SETD3: variants seen among roughly 807,000 people sequenced by gnomAD.
The protein encoded by SETD3 is actin-histidine N-methyltransferase.
SETD3 carries 19 observed loss-of-function variants against 63.0 expected under a neutral mutation model. That is an observed-to-expected ratio of 0.30 (90% CI 0.21 to 0.44). The LOEUF is 0.44. Among genes scored for constraint, SETD3 ranks in the 20% least tolerant of loss-of-function variants. The probability of loss-of-function intolerance (pLI) is 1.00; values close to 1 mark genes in which losing one functional copy is unlikely to be tolerated. For synonymous variants in SETD3, 286 were observed against 264.1 expected (o/e 1.08, Z -0.80); for missense variants, 587 against 728.5 (o/e 0.81, Z 2.24).
At chr14:99,410,677 A>G (rs1256475536) in intron 8 of SETD3, among the ~76,000 whole-genome samples, 5 of 152,140 alleles carry the variant, frequency 3.3e-5, no homozygotes, top group Non-Finnish European at 7.3e-5. Flanking sequence ...TCCTACATTT[A>G]TTTCTCTGAG....
Position 99,458,552 on chromosome 14 carries a change from G to T in SETD3, c.419-17C>A. 6.2e-7 allele frequency: 1 copy of T among 1,604,096 alleles called. No individual in the cohort carries two copies. Among genetic ancestry groups the T allele is most frequent in the South Asian group, 1.1e-5 (1 of 89,680 alleles). On this transcript the variant is annotated splice_polypyrimidine_tract_variant and intron_variant, in intron 5 of 12. Coordinates refer to ENST00000331768, the MANE Select transcript of SETD3 (RefSeq NM_032233.3). ...ATAAGGGCCCTGAATTAACCCAGAA[G>T]TTAACAGCGTAAGTTCCACAAACTT...
At chr14:99,412,857 G>A (rs1354653042) in intron 8 of SETD3, 94 bp downstream of exon 8, 5 of 860,462 alleles carry the variant, frequency 5.8e-6, no homozygotes, top group East Asian at 4.9e-5. Flanking sequence ...GCAACGGGGG[G>A]AGTACGATGG....
chr14:99,402,407 T>C (rs1431168865), intron 11 of SETD3, among the ~76,000 whole-genome samples: 1 of 152,152 alleles, frequency 6.6e-6, no homozygotes, highest in African/African-American at 2.4e-5. Flanking sequence ...CCTCTTTGGG[T>C]TTTTTGTTAG....
chr14:99,407,582 C>G (rs753033345), intron 8 of SETD3, among the ~76,000 whole-genome samples: 1 of 152,194 alleles, frequency 6.6e-6, no homozygotes, highest in Non-Finnish European at 1.5e-5. Context: ...ACCCCAAGTT[C>G]CTGAGCACGG....
chr14:99,412,468 C>G, intron 8 of SETD3: 1 of 153,186 alleles, frequency 6.5e-6, no homozygotes, highest in East Asian at 1.9e-4. Context: ...ATTCGTCAGC[C>G]CATCAGGGGA....
chr14:99,413,788 C>G, intron 7 of SETD3, 88 bp downstream of exon 7: 1 of 1,258,536 alleles, frequency 7.9e-7, no homozygotes, highest in Non-Finnish European at 1.2e-6. Context: ...CAGGTCACTT[C>G]TCACTGAAGC....
At chr14:99,434,846 TCAAA>T (rs1441435007) in intron 6 of SETD3, among the ~76,000 whole-genome samples, 2 of 18,900 alleles carry the variant, frequency 1.1e-4, no homozygotes, top group African/African-American at 6.0e-4. Context: ...AAACTCTGCC[TCAAA>T]AAAAAAAAAA....
chr14:99,440,318 C>T (rs1453812124), intron 6 of SETD3, among the ~76,000 whole-genome samples: 4 of 152,162 alleles, frequency 2.6e-5, no homozygotes, highest in African/African-American at 4.8e-5. Context: ...ACCATTAACA[C>T]GTGACCAAGC....
intron 11 of SETD3, among the ~76,000 whole-genome samples, chr14:99,402,299 T>C (rs1002844059): frequency 2.0e-5 from 3 of 152,232 alleles, no homozygotes; most frequent in Non-Finnish European, 2.9e-5. Context: ...GCAGGAGCAA[T>C]GTGGGATGTC....
At chr14:99,403,470 CTCTCTCTCTCTCTCTCTCTT>C (rs943898913) in intron 11 of SETD3, among the ~76,000 whole-genome samples, 39 of 142,012 alleles carry the variant, frequency 2.7e-4, no homozygotes, top group African/African-American at 1.2e-3. Flanking sequence ...CTCTCTCTCT[CTCTCTCTCTCTCTCTCTCTT>C]TCTCTCTCTT....
intron 6 of SETD3, among the ~76,000 whole-genome samples, chr14:99,454,892 CCT>C (rs1894670564): frequency 6.6e-6 from 1 of 152,224 alleles, no homozygotes; most frequent in East Asian, 1.9e-4. Flanking sequence ...GAAACTGACT[CCT>C]AACAACCACA....
At chr14:99,406,418 T>C (rs1891683607) in intron 9 of SETD3, 98 bp downstream of exon 9, 4 of 1,097,272 alleles carry the variant, frequency 3.6e-6, no homozygotes, top group Non-Finnish European at 5.5e-6. Flanking sequence ...TTCCACATTT[T>C]TTCCCCTAAG....
intron 6 of SETD3, among the ~76,000 whole-genome samples, chr14:99,437,962 T>C (rs1893583538): frequency 6.6e-6 from 1 of 152,230 alleles, no homozygotes; most frequent in African/African-American, 2.4e-5. Flanking sequence ...CTCCTTCTGG[T>C]TCCAGAAACC....
At chr14:99,413,292 A>C in intron 7 of SETD3, 2 of 489,514 alleles carry the variant, frequency 4.1e-6, no homozygotes, top group Non-Finnish European at 7.3e-6. Flanking sequence ...GTTCCCAAGA[A>C]GCAGAGCCAG....
At chr14:99,480,459 G>A (rs1193126058) in intron 1 of SETD3, among the ~76,000 whole-genome samples, 1 of 151,382 alleles carries the variant, frequency 6.6e-6, no homozygotes. Flanking sequence ...AGCGGCGAGC[G>A]CGCGCCTCTC....
At chr14:99,470,357 C>A (rs4900432) in intron 1 of SETD3, among the ~76,000 whole-genome samples, 140,317 of 152,196 alleles carry the variant, frequency 0.92, 65,790 homozygotes, top group East Asian at 1. Flanking sequence ...CTTTTGGCAA[C>A]CTCTTTGGGC....
intron 8 of SETD3, chr14:99,409,976 G>A (rs955912521): frequency 4.8e-6 from 2 of 418,264 alleles, no homozygotes; most frequent in Non-Finnish European, 8.6e-6. Flanking sequence ...ATTCTAATGG[G>A]AGGCGGGGGG....
At chr14:99,477,685 T>C (rs984484005) in intron 1 of SETD3, among the ~76,000 whole-genome samples, 42 of 149,908 alleles carry the variant, frequency 2.8e-4, no homozygotes, top group African/African-American at 9.6e-4. Flanking sequence ...GAAGCAGAGG[T>C]TGCGGTGAGC....
chr14:99,468,616 G>A (rs777983148), intron 1 of SETD3, among the ~76,000 whole-genome samples: 4 of 150,056 alleles, frequency 2.7e-5, no homozygotes, highest in Non-Finnish European at 5.9e-5. Context: ...CTCTACAGAC[G>A]TCATCATGTA....
Sources: gnomAD v4.1 joint callset for allele counts (sites outside exome capture counted in the v4.1 genomes callset) on GRCh38, gnomAD v4.1.1 for gene constraint, MANE v1.5 for transcripts, NCBI Gene and HGNC (gene_info 2026-07-23, HGNC 2026-07-21) for gene names.